Variants in ZNF521 observed in about 807,000 individuals in gnomAD.
ZNF521 encodes LYST-interacting protein 3.
ZNF521 carries 14 observed loss-of-function variants against 105.5 expected under a neutral mutation model. The observed-to-expected ratio is 0.13, with a 90% CI of 0.09 to 0.21. The LOEUF (loss-of-function observed/expected upper bound fraction) is 0.21. Among genes scored for constraint, ZNF521 ranks in the 10% least tolerant of loss-of-function variants. The pLI is 1.00. For synonymous variants in ZNF521, 635 were observed against 606.0 expected, an observed-to-expected ratio of 1.05 and a Z score of -0.70; for missense variants, 1,233 against 1,629.7, an observed-to-expected ratio of 0.76 and a Z score of 4.19.
At chr18:25,314,495 A>G (rs530616386) in intron 3 of ZNF521, among the ~76,000 whole-genome samples, 2 of 152,334 alleles carry the variant, frequency 1.3e-5, no homozygotes, top group South Asian at 4.1e-4. Context: ...ACAAAATTAA[A>G]TGGACATACT....
At chr18:25,086,543 T>G (rs1034690825) in intron 7 of ZNF521, among the ~76,000 whole-genome samples, 1 of 152,138 alleles carries the variant, frequency 6.6e-6, no homozygotes, top group Non-Finnish European at 1.5e-5. Flanking sequence ...CACATAGAGA[T>G]TCCAATAACT....
intron 3 of ZNF521, among the ~76,000 whole-genome samples, chr18:25,296,810 A>G (rs1450149318): frequency 2.6e-5 from 4 of 152,116 alleles, no homozygotes; most frequent in African/African-American, 9.7e-5. Context: ...GTATCTCTCT[A>G]TATTTTGCTG....
intron 5 of ZNF521, among the ~76,000 whole-genome samples, chr18:25,116,535 G>A (rs1179622743): frequency 1.3e-5 from 2 of 152,120 alleles, no homozygotes; most frequent in Admixed American, 6.6e-5. Flanking sequence ...TGGAATGGGA[G>A]TGCCACTTGG....
At chr18:25,191,819 CT>C (rs2035822832) in intron 5 of ZNF521, among the ~76,000 whole-genome samples, 1 of 152,100 alleles carries the variant, frequency 6.6e-6, no homozygotes, top group Non-Finnish European at 1.5e-5. Flanking sequence ...TGTTTCATCT[CT>C]ATTTTTGCTA....
chr18:25,177,599 A>G (rs1469338951), intron 5 of ZNF521, among the ~76,000 whole-genome samples: 1 of 151,992 alleles, frequency 6.6e-6, no homozygotes, highest in Non-Finnish European at 1.5e-5. Context: ...ATGCACACCT[A>G]GTAAGCAAAT....
intron 4 of ZNF521, chr18:25,202,962 G>A (rs1053218697): frequency 6.6e-6 from 1 of 152,170 alleles, no homozygotes; most frequent in Non-Finnish European, 1.5e-5. Flanking sequence ...TTAAAAGGAT[G>A]CTATTGTCTT....
At chr18:25,122,320 C>G (rs780596081) in intron 5 of ZNF521, among the ~76,000 whole-genome samples, 8 of 152,060 alleles carry the variant, frequency 5.3e-5, no homozygotes, top group Non-Finnish European at 1.2e-4. Flanking sequence ...GCTAATATAC[C>G]TATGACTAAA....
intron 3 of ZNF521, 103 bp downstream of exon 3, chr18:25,321,905 T>C: frequency 1.8e-6 from 2 of 1,140,426 alleles, no homozygotes; most frequent in Non-Finnish European, 1.2e-6. Flanking sequence ...TATTCAAATG[T>C]AGGAATAAAA....
At chr18:25,341,751 C>T (rs4594329) in intron 2 of ZNF521, among the ~76,000 whole-genome samples, 70,407 of 152,060 alleles carry the variant, frequency 0.46, 16,608 homozygotes, top group Middle Eastern at 0.51. Context: ...ACCATACACA[C>T]GTACGTCCTT....
At chr18:25,232,482 T>A (rs1200848353) in intron 3 of ZNF521, among the ~76,000 whole-genome samples, 1 of 152,226 alleles carries the variant, frequency 6.6e-6, no homozygotes, top group Non-Finnish European at 1.5e-5. Context: ...ATCTCAGGAA[T>A]ATTAATTTTA....
At chr18:25,196,656 G>A (rs1408850579) in intron 4 of ZNF521, among the ~76,000 whole-genome samples, 4 of 151,658 alleles carry the variant, frequency 2.6e-5, no homozygotes, top group South Asian at 4.2e-4. Context: ...AATCTAACAC[G>A]GACTTCAAAC....
chr18:25,305,501 G>A (rs954415328), intron 3 of ZNF521, among the ~76,000 whole-genome samples: 4 of 152,000 alleles, frequency 2.6e-5, no homozygotes, highest in African/African-American at 4.8e-5. Context: ...AGAATAAAAC[G>A]TTAATTTTAT....
intron 7 of ZNF521, among the ~76,000 whole-genome samples, chr18:25,088,523 G>A (rs976254927): frequency 1.8e-4 from 27 of 151,998 alleles, no homozygotes; most frequent in Non-Finnish European, 1.3e-4. Context: ...CCGGCCAACA[G>A]AATAATTTTC....
chr18:25,332,148 TTGAAAACAAA>T (rs1598482676), intron 2 of ZNF521, among the ~76,000 whole-genome samples: 1 of 152,114 alleles, frequency 6.6e-6, no homozygotes, highest in East Asian at 1.9e-4. Context: ...GAAAAATAAT[TTGAAAACAAA>T]TGAAAACAGA....
chr18:25,151,263 C>T (rs1206069097), intron 5 of ZNF521, among the ~76,000 whole-genome samples: 1 of 152,116 alleles, frequency 6.6e-6, no homozygotes, highest in East Asian at 1.9e-4. Context: ...GATTCATATC[C>T]TTCTTCCTTG....
intron 7 of ZNF521, among the ~76,000 whole-genome samples, chr18:25,083,239 T>C (rs2033542849): frequency 1.3e-5 from 2 of 152,204 alleles, no homozygotes; most frequent in African/African-American, 4.8e-5. Context: ...CCAAGACTCC[T>C]AATCACTTGA....
At chr18:25,122,359 T>A (rs966566990) in intron 5 of ZNF521, among the ~76,000 whole-genome samples, 19 of 152,168 alleles carry the variant, frequency 1.2e-4, no homozygotes, top group Admixed American at 1.1e-3. Flanking sequence ...CAGAAAAATA[T>A]CTGAAAAATA....
chr18:25,158,110 C>A (rs1353132987), intron 5 of ZNF521, among the ~76,000 whole-genome samples: 2 of 152,002 alleles, frequency 1.3e-5, no homozygotes, highest in African/African-American at 4.8e-5. Context: ...AACAGTAGTA[C>A]CTATCTCATA....
intron 5 of ZNF521, among the ~76,000 whole-genome samples, chr18:25,168,652 G>A (rs1315772750): frequency 6.6e-6 from 1 of 152,150 alleles, no homozygotes; most frequent in Non-Finnish European, 1.5e-5. Context: ...ACGTGCCAAA[G>A]TCACTAAACT....
Sources: gnomAD v4.1 joint callset for allele counts (sites outside exome capture counted in the v4.1 genomes callset) on GRCh38, gnomAD v4.1.1 for gene constraint, MANE v1.5 for transcripts, NCBI Gene and HGNC (gene_info 2026-07-23, HGNC 2026-07-21) for gene names.